The following NLRC5 variants were observed in gnomAD, a reference collection of about 807,000 sequenced individuals.
The protein encoded by NLRC5 is protein NLRC5.
NLRC5 carries 114 observed loss-of-function variants against 206.9 expected under a neutral mutation model. That is an observed-to-expected ratio of 0.55 (90% CI 0.47 to 0.64). The LOEUF is 0.64. Among genes scored for constraint, NLRC5 ranks in the 30% least tolerant of loss-of-function variants. The pLI, the probability that NLRC5 is intolerant of heterozygous loss-of-function variation, is 0.00. For synonymous variants in NLRC5, 952 were observed against 962.8 expected (o/e 0.99, Z 0.21); for missense variants, 2,008 against 2,305.5 (o/e 0.87, Z 2.64).
intron 12 of NLRC5, among the ~76,000 whole-genome samples, chr16:57,033,926 C>G (rs747677291): frequency 6.6e-6 from 1 of 152,216 alleles, no homozygotes; most frequent in Non-Finnish European, 1.5e-5. Context: ...ACATCCATTA[C>G]CTCACTGTAA....
At chr16:57,059,134 G>A (rs1355200216) in intron 29 of NLRC5, 73 bp downstream of exon 29, 3 of 1,610,928 alleles carry the variant, frequency 1.9e-6, no homozygotes, top group Non-Finnish European at 2.5e-6. Context: ...GATGGGAGAA[G>A]CAAGGCACCC....
At chr16:57,047,076 A>G (rs1367858819) in intron 22 of NLRC5, among the ~76,000 whole-genome samples, 1 of 152,186 alleles carries the variant, frequency 6.6e-6, no homozygotes, top group Non-Finnish European at 1.5e-5. Context: ...AGGGAAGTGG[A>G]GGCAAGTGAG....
In NLRC5 at chr16:57,025,532, G is replaced by A; in HGVS notation, c.589G>A (p.Gly197Arg). Reference sequence around the variant, plus strand: ...AGACACTCCGGAGGGGGCCATTATGGGGGACGTCAAGGTGGAAGATGGTGC... The same window carrying A: ...AGACACTCCGGAGGGGGCCATTATGAGGGACGTCAAGGTGGAAGATGGTGC... The part of the protein sequence containing the change: ...SLDTPEGAIM[G>R]DVKVEDGADV... Residue 197 changes from glycine to arginine, a missense_variant, in exon 6 of 49, where the codon GGG becomes AGG. Transcript: ENST00000688547. 6.2e-7 allele frequency: 1 copy of A among 1,613,664 alleles called. No homozygotes were observed. The highest frequency in any genetic ancestry group is 8.5e-7 in the Non-Finnish European group (1 of 1,179,698).
At chr16:57,070,480 A>T in intron 37 of NLRC5, 55 bp from the exon 38 acceptor site, 7 of 1,510,616 alleles carry the variant, frequency 4.6e-6, no homozygotes, top group Non-Finnish European at 6.4e-6. Flanking sequence ...AGGACAGCTC[A>T]GCTCCAGGGC....
chr16:57,029,460 G>T (rs1300258954), intron 8 of NLRC5, among the ~76,000 whole-genome samples: 1 of 152,140 alleles, frequency 6.6e-6, no homozygotes, highest in East Asian at 1.9e-4. Context: ...CACATCCCAG[G>T]CATAAGCCCT....
Position 57,041,472 on chromosome 16 carries a change from T to A in NLRC5, c.2940-13T>A. On this transcript the variant is annotated splice_polypyrimidine_tract_variant and intron_variant, in intron 17 of 48. Coordinates refer to ENST00000688547, the MANE Select transcript of NLRC5 (RefSeq NM_001384950.1). ...AGTGGGGCATGCAGCACTGTGTTTT[T>A]GTCCCTGGGCAGGCTGACACATTGT... 6.2e-7 allele frequency: 1 copy of A among 1,613,030 alleles called. No homozygotes were observed. Among genetic ancestry groups the A allele is most frequent in the Admixed American group, 1.7e-5 (1 of 59,972 alleles).
At chr16:57,046,503 G>A (rs746362474) in intron 21 of NLRC5, 49 bp from the exon 22 acceptor site, 2 of 1,519,130 alleles carry the variant, frequency 1.3e-6, no homozygotes, top group Admixed American at 1.7e-5. Context: ...TGGGCTGGGA[G>A]TCCGAGGGGG....
chr16:57,034,476 T>A lies in NLRC5; in HGVS notation c.2627+225T>A, dbSNP rs111395131. 2,440 of 540,832 alleles carry A rather than the reference T, an allele frequency of 4.5e-3. 51 individuals carry two copies. The highest frequency in any genetic ancestry group is 0.042 in the African/African-American group (2,204 of 52,686). The allele number at this position is 540,832 out of a possible 1,614,324, so 33.5% of individuals were successfully genotyped here. ...TCCTCGCATTCACTCCTCACATCTC[T>A]GTGATGTAAGCACTGTTACTGTCCT... On this transcript the variant is annotated intron_variant, in intron 13 of 48. Coordinates refer to ENST00000688547, the MANE Select transcript of NLRC5 (RefSeq NM_001384950.1).
rs1257903801 is a variant in NLRC5 at position 57,026,165 on chromosome 16, C to G, written c.1222C>G (p.Leu408Val). The change falls in exon 6 of 49, where the codon CTG becomes GTG. Residue 408 changes from leucine (L) to valine (V), a missense_variant. Physicochemically the swap from Leu to Val is conservative, Grantham distance 32 (BLOSUM62 1). Coordinates refer to ENST00000688547, the MANE Select transcript of NLRC5 (RefSeq NM_001384950.1). ...RLRSLCAVPA[L>V]CQVACLCLHH... ...CCGAAGCCTGTGTGCGGTGCCCGCA[C>G]TGTGCCAAGTCGCCTGTCTCTGCCT... 1 of 1,613,990 alleles carries G rather than the reference C, an allele frequency of 6.2e-7. No homozygotes were observed. The highest frequency in any genetic ancestry group is 2.2e-5 in the East Asian group (1 of 44,890).
chr16:57,002,925 G>A (rs779166069), intron 1 of NLRC5, among the ~76,000 whole-genome samples: 1 of 152,124 alleles, frequency 6.6e-6, no homozygotes, highest in Non-Finnish European at 1.5e-5. Context: ...TTATAGGTGT[G>A]AGCCTCCGTG....
rs765116347 is a variant in NLRC5, at chr16:57,082,527, G to A, written c.5600G>A (p.Ter1867=). 56 of 1,608,134 alleles carry A rather than the reference G, an allele frequency of 3.5e-5. No individual in the cohort carries two copies. The highest frequency in any genetic ancestry group is 1.3e-4 in the Admixed American group (8 of 59,874). ...CAGCCCCAGGCCCCTTGGGGTACTT[G>A]ATGGCCCCCTCAAGACCTTTGGAAT... ...DNQPQAPWGT[*] Residue 1867 remains the stop codon, a stop_retained_variant, in exon 49 of 49, where the codon TGA becomes TAA. Coordinates refer to ENST00000688547, the MANE Select transcript of NLRC5 (RefSeq NM_001384950.1).
At chr16:56,997,654 G>A (rs1408508273) in intron 1 of NLRC5, among the ~76,000 whole-genome samples, 5 of 152,048 alleles carry the variant, frequency 3.3e-5, no homozygotes, top group East Asian at 1.9e-4. Flanking sequence ...GGCTTACTGC[G>A]CCTCAACCTC....
chr16:57,056,624 T>G (rs369572742), intron 27 of NLRC5, among the ~76,000 whole-genome samples: 25 of 151,852 alleles, frequency 1.6e-4, no homozygotes, highest in African/African-American at 6.0e-4. Context: ...GTCTTTGAGT[T>G]TTTTGTTTTT....
In NLRC5 at chr16:57,077,504, G is replaced by A. The variant is rs77424003; in HGVS notation, c.4919+125G>A. ...CGCCAACCTCAGTGTCCAGGCAGTG[G>A]GGCTCGGTGACCTCCTGGCCCTCAC... On this transcript the variant is annotated intron_variant, in intron 41 of 48. Coordinates refer to ENST00000688547, the MANE Select transcript of NLRC5 (RefSeq NM_001384950.1). 14,765 of 1,014,438 alleles carry A rather than the reference G, an allele frequency of 0.015. 142 individuals are homozygous for A. Among genetic ancestry groups the A allele is most frequent in the Non-Finnish European group, 0.018 (12,181 of 688,586 alleles). The allele number at this position is 1,014,438 out of a possible 1,614,324, so 62.8% of individuals were successfully genotyped here.
chr16:57,062,291 G>A (rs2066613887), intron 32 of NLRC5: 2 of 400,118 alleles, frequency 5.0e-6, no homozygotes, highest in South Asian at 1.8e-5. Flanking sequence ...AACTCAGTTA[G>A]CGATTCCTTA....
intron 1 of NLRC5, among the ~76,000 whole-genome samples, chr16:57,016,214 C>T (rs1332002865): frequency 6.6e-6 from 1 of 152,084 alleles, no homozygotes; most frequent in Non-Finnish European, 1.5e-5. Context: ...GACTCCATCT[C>T]AAGAAAAAAG....
rs1004722988 is a variant in NLRC5 at position 57,026,641 on chromosome 16, G to A, written c.1698G>A (p.Ala566=). 7.4e-6 allele frequency: 12 copies of A among 1,614,002 alleles called. No homozygotes were observed. Among genetic ancestry groups the A allele is most frequent in the Middle Eastern group, 3.3e-4 (2 of 6,084 alleles). The change falls in exon 6 of 49, where the codon GCG becomes GCA. Residue 566 remains alanine (A), a synonymous_variant. Transcript: ENST00000688547. ...CAGACCACCTCCCCACCTTCCTGGC[G>A]GGCCTGGCATCCTGCACCTGCCGCC... The part of the protein sequence containing the change: ...GLSDHLPTFL[A]GLASCTCRPF...
chr16:57,043,889 T>A (rs2063598433), intron 20 of NLRC5: 1 of 399,534 alleles, frequency 2.5e-6, no homozygotes, highest in Non-Finnish European at 4.3e-6. Flanking sequence ...AGAGATTTTT[T>A]TTTTTAGGAT....
chr16:57,044,884 T>C (rs1262487420), intron 20 of NLRC5, among the ~76,000 whole-genome samples: 1 of 151,096 alleles, frequency 6.6e-6, no homozygotes, highest in Non-Finnish European at 1.5e-5. Flanking sequence ...CACTCCAGCC[T>C]GGGCAACAGA....
Sources: gnomAD v4.1 joint callset for allele counts (sites outside exome capture counted in the v4.1 genomes callset) on GRCh38, gnomAD v4.1.1 for gene constraint, MANE v1.5 for transcripts, NCBI Gene and HGNC (gene_info 2026-07-23, HGNC 2026-07-21) for gene names.